SLC38A8: variants seen among roughly 807,000 people sequenced by gnomAD.
SLC38A8 encodes the protein solute carrier family 38 member 8.
Under a neutral mutation model 46.0 loss-of-function variants are expected in SLC38A8, and 65 were observed. The ratio of observed to expected loss-of-function variants is 1.41; its 90% CI spans 1.16 to 1.74. SLC38A8 has a LOEUF of 1.74. Among genes scored for constraint, SLC38A8 ranks in the 40% most tolerant of loss-of-function variants. The pLI is 0.00. For missense variants in SLC38A8, 998 were observed against 567.9 expected (o/e 1.76, Z -7.70); for synonymous variants, 447 against 243.7 (o/e 1.83, Z -7.77).
rs554552373 is a variant in SLC38A8, at chr16:84,017,341, C to G, written c.806-54G>C. 13 of 1,595,412 alleles carry G rather than the reference C, an allele frequency of 8.1e-6. No homozygotes were observed. In the Admixed American group the frequency reaches 8.6e-5, roughly 11 times the overall value. On this transcript the variant is annotated intron_variant, in intron 7 of 10. Transcript: ENST00000299709. ...GAGTGGATTAGGAAAATGCTGCCCC[C>G]TCCCCCACCAACAGACAGACAGCGC... is the stretch of plus-strand genomic sequence containing the variant.
At position 84,022,766 on chromosome 16, in the gene SLC38A8, G is replaced by C. The variant is rs747585726; in HGVS notation, c.805+9C>G. 6.2e-7 allele frequency: 1 copy of C among 1,611,556 alleles called. No individual in the cohort carries two copies. Among genetic ancestry groups the C allele is most frequent in the South Asian group, 1.1e-5 (1 of 91,004 alleles). On this transcript the variant is annotated intron_variant, in intron 7 of 10. Coordinates refer to ENST00000299709, the MANE Select transcript of SLC38A8 (RefSeq NM_001080442.3). ...CACCCTCTGCAGGGGTGCCTGGGAA[G>C]GGCCTTACCCGTCAGTGAATAGATG...
Position 84,033,480 on chromosome 16 carries a change from C to T in SLC38A8, c.389-11G>A, listed in dbSNP as rs1313973800. On this transcript the variant is annotated splice_polypyrimidine_tract_variant and intron_variant, in intron 3 of 10. Coordinates refer to ENST00000299709, the MANE Select transcript of SLC38A8 (RefSeq NM_001080442.3). ...GGAGGGAGTCACACACTGCCAGAGA[C>T]ACGGGGAGAGCTGAGCCACAGAGTA... 6.3e-7 allele frequency: 1 copy of T among 1,589,056 alleles called. No individual in the cohort carries two copies. The highest frequency in any genetic ancestry group is 8.6e-7 in the Non-Finnish European group (1 of 1,168,414).
chr16:84,013,433 T>TGTTGTTGTTTTTGTTG (rs1555551874), intron 9 of SLC38A8, among the ~76,000 whole-genome samples: 1 of 128,468 alleles, frequency 7.8e-6, no homozygotes, highest in Admixed American at 7.6e-5. Context: ...TGTTTTTTTT[T>TGTTGTTGTTTTTGTTG]TTTTTTTTTT....
Position 84,029,521 on chromosome 16 carries a change from G to A in SLC38A8, c.663C>T (p.Val221=). 2 of 1,614,174 alleles carry A rather than the reference G, an allele frequency of 1.2e-6. No homozygotes were observed. Among genetic ancestry groups the A allele is most frequent in the Non-Finnish European group, 1.7e-6 (2 of 1,180,016 alleles). ...GAAACCCGAAGCAGATGGTGGGGAA[G>A]ACACTGAACACAGAGGTCCAGGAGG... ...SPASWTSVFS[V]FPTICFGFQC... is the part of the protein sequence containing the mutation. The change falls in exon 6 of 11, where the codon GTC becomes GTT. Residue 221 remains valine (V), a synonymous_variant. Transcript: ENST00000299709.
rs188344142 is a variant in SLC38A8 at position 84,033,259 on chromosome 16, T to C, written c.530+69A>G. Reference sequence around the variant, plus strand: ...ATTCCCCAGCTCCTCTGACCCCAGATGGACAGAAACCCTGACACAAACACT... The same window carrying C: ...ATTCCCCAGCTCCTCTGACCCCAGACGGACAGAAACCCTGACACAAACACT... On this transcript the variant is annotated intron_variant, in intron 4 of 10. Transcript: ENST00000299709. The C allele has an allele frequency of 4.8e-4, 778 of 1,604,760 alleles. 6 individuals are homozygous for C. Among genetic ancestry groups the C allele is most frequent in the South Asian group, 3.4e-3 (303 of 90,282 alleles).
At chr16:84,021,213 G>A (rs182800416) in intron 7 of SLC38A8, among the ~76,000 whole-genome samples, 102 of 152,210 alleles carry the variant, frequency 6.7e-4, no homozygotes, top group African/African-American at 2.2e-3. Context: ...CAGGTGCCCC[G>A]CCACCATGCT....
chr16:84,020,514 C>T (rs370403857), intron 7 of SLC38A8, among the ~76,000 whole-genome samples: 8 of 152,326 alleles, frequency 5.3e-5, no homozygotes, highest in African/African-American at 1.7e-4. Flanking sequence ...ATCTGCCAGC[C>T]TGCAGAATTA....
At chr16:84,015,898 C>T (rs968008457) in intron 9 of SLC38A8, among the ~76,000 whole-genome samples, 4 of 152,164 alleles carry the variant, frequency 2.6e-5, no homozygotes, top group Non-Finnish European at 4.4e-5. Flanking sequence ...AGGCTGGTCT[C>T]GACCTCCTGA....
intron 6 of SLC38A8, among the ~76,000 whole-genome samples, chr16:84,023,447 G>C (rs368652805): frequency 2.4e-4 from 37 of 152,196 alleles, no homozygotes; most frequent in African/African-American, 8.7e-4. Context: ...TTAAGATTTT[G>C]AGCGTTATTC....
intron 9 of SLC38A8, among the ~76,000 whole-genome samples, chr16:84,013,764 T>C (rs2151112338): frequency 6.6e-6 from 1 of 151,512 alleles, no homozygotes; most frequent in East Asian, 2.0e-4. Flanking sequence ...TCTGCTAGGA[T>C]TCAGGGCCAT....
intron 10 of SLC38A8, among the ~76,000 whole-genome samples, chr16:84,011,665 C>A (rs1597245691): frequency 6.6e-6 from 1 of 152,164 alleles, no homozygotes; most frequent in South Asian, 2.1e-4. Context: ...AGGAAAAGAT[C>A]TTGAGAGAAG....
chr16:84,011,263 C>G (rs1162410027), intron 10 of SLC38A8, among the ~76,000 whole-genome samples: 1 of 152,160 alleles, frequency 6.6e-6, no homozygotes, highest in Non-Finnish European at 1.5e-5. Context: ...GAAAGCTCAT[C>G]AGTAAAAACT....
chr16:84,028,786 C>G (rs1454309845), intron 6 of SLC38A8, among the ~76,000 whole-genome samples: 3 of 151,648 alleles, frequency 2.0e-5, no homozygotes, highest in African/African-American at 7.3e-5. Context: ...ATCGGTGACC[C>G]ACCTATGCTA....
intron 7 of SLC38A8, among the ~76,000 whole-genome samples, chr16:84,022,003 T>C (rs987306211): frequency 2.0e-5 from 3 of 152,226 alleles, no homozygotes; most frequent in Admixed American, 1.3e-4. Context: ...CACTAATCCA[T>C]GAATAGATTA....
chr16:84,033,678 C>T (rs536947919), intron 3 of SLC38A8, among the ~76,000 whole-genome samples: 41 of 152,304 alleles, frequency 2.7e-4, no homozygotes, highest in Middle Eastern at 3.4e-3. Flanking sequence ...AACAAACATT[C>T]GCTGGGCTCC....
At chr16:84,029,851 C>T (rs969713635) in intron 5 of SLC38A8, among the ~76,000 whole-genome samples, 1 of 152,212 alleles carries the variant, frequency 6.6e-6, no homozygotes, top group Non-Finnish European at 1.5e-5. Context: ...AGGCTGCTGG[C>T]TCCCAGTGCG....
At position 84,009,768 on chromosome 16, in the gene SLC38A8, CG is replaced by C; in HGVS notation, c.*15del. 1.9e-6 allele frequency: 3 copies of C among 1,610,536 alleles called. No homozygotes were observed. Among genetic ancestry groups the C allele is most frequent in the Non-Finnish European group, 2.5e-6 (3 of 1,178,386 alleles). ...AGCCCCCGGAGGGCCCCTTCCTGCC[CG>C]GCACTAGCTGCCCATCAGAACATCT... On this transcript the variant is annotated 3_prime_UTR_variant, in exon 11 of 11. Coordinates refer to ENST00000299709, the MANE Select transcript of SLC38A8 (RefSeq NM_001080442.3).
chr16:84,032,633 G>A (rs4782580), intron 4 of SLC38A8, among the ~76,000 whole-genome samples: 36,359 of 152,138 alleles, frequency 0.24, 5,050 homozygotes, highest in Non-Finnish European at 0.3. Context: ...GGGACAAGCC[G>A]CCCCCTGGCT....
intron 2 of SLC38A8, among the ~76,000 whole-genome samples, chr16:84,037,418 G>T (rs1007080791): frequency 1.1e-4 from 17 of 152,170 alleles, no homozygotes; most frequent in Admixed American, 3.3e-4. Flanking sequence ...GACACGTCAG[G>T]ACTGAACAAG....
Sources: gnomAD v4.1 joint callset for allele counts (sites outside exome capture counted in the v4.1 genomes callset) on GRCh38, gnomAD v4.1.1 for gene constraint, MANE v1.5 for transcripts, NCBI Gene and HGNC (gene_info 2026-07-23, HGNC 2026-07-21) for gene names.